SYT2: variants seen among roughly 807,000 people sequenced by gnomAD.
SYT2 encodes synaptotagmin 2, also known as synaptotagmin-2.
Under a neutral mutation model 39.9 loss-of-function variants are expected in SYT2, and 15 were observed. The observed-to-expected ratio is 0.38, with a 90% CI of 0.25 to 0.58. The LOEUF is 0.58. Among genes scored for constraint, SYT2 ranks in the 20% least tolerant of loss-of-function variants. SYT2 has a pLI of 0.70. For synonymous variants in SYT2, 181 were observed against 204.5 expected, an observed-to-expected ratio of 0.89 and a Z score of 0.98; for missense variants, 389 against 530.3, an observed-to-expected ratio of 0.73 and a Z score of 2.62.
intron 1 of SYT2, among the ~76,000 whole-genome samples, chr1:202,622,462 G>T (rs1691228550): frequency 6.6e-6 from 1 of 152,154 alleles, no homozygotes; most frequent in Non-Finnish European, 1.5e-5. Flanking sequence ...CAACTCCCAG[G>T]TTCCTGAGAG....
In SYT2 at chr1:202,602,035, C is replaced by T. The variant is rs751909179; in HGVS notation, c.656G>A (p.Gly219Asp). Residue 219 changes from glycine (G) to aspartate (D), a missense_variant, in exon 6 of 9, where the codon GGC becomes GAC. By Grantham distance (94) the Gly-to-Asp change is moderately conservative. Coordinates refer to ENST00000367268, the MANE Select transcript of SYT2 (RefSeq NM_177402.5). ...TFKVPYQELG[G>D]KTLVMAIYDF... ...ATAGATGGCCATCACCAGAGTTTTGCCCCCAAGCTCCTGGTATGGCACCTG... is the reference window on the plus strand; with the variant it reads ...ATAGATGGCCATCACCAGAGTTTTGTCCCCAAGCTCCTGGTATGGCACCTG... 22 of 1,613,988 alleles carry T rather than the reference C, an allele frequency of 1.4e-5. 1 individual carries two copies. The African/African-American group carries it at 2.0e-4, about 15-fold the overall frequency.
At chr1:202,636,757 CACTGCCTAT>C (rs541450656) in intron 1 of SYT2, among the ~76,000 whole-genome samples, 116 of 152,316 alleles carry the variant, frequency 7.6e-4, no homozygotes, top group South Asian at 5.4e-3. Flanking sequence ...TTGTGTCAGG[CACTGCCTAT>C]TCTTAGAGCT....
intron 1 of SYT2, among the ~76,000 whole-genome samples, chr1:202,667,970 C>CA (rs1328899827): frequency 6.6e-6 from 1 of 152,180 alleles, no homozygotes; most frequent in East Asian, 1.9e-4. Flanking sequence ...CTCGGCCTCC[C>CA]AAAGTGCTGG....
intron 1 of SYT2, among the ~76,000 whole-genome samples, chr1:202,633,961 C>T (rs1471573881): frequency 6.6e-6 from 1 of 152,202 alleles, no homozygotes; most frequent in African/African-American, 2.4e-5. Context: ...CACTTTCAGA[C>T]ATTCTCTCAC....
intron 1 of SYT2, among the ~76,000 whole-genome samples, chr1:202,697,726 CTGAT>C (rs1345409654): frequency 1.3e-5 from 2 of 152,162 alleles, no homozygotes; most frequent in African/African-American, 4.8e-5. Flanking sequence ...GATGAGTGTG[CTGAT>C]TAATTTGATT....
chr1:202,652,275 C>G (rs1692208502), intron 1 of SYT2, among the ~76,000 whole-genome samples: 1 of 152,116 alleles, frequency 6.6e-6, no homozygotes, highest in Non-Finnish European at 1.5e-5. Context: ...AAACATATGT[C>G]AAGGGTTGTG....
chr1:202,648,682 C>T (rs1276713766), intron 1 of SYT2, among the ~76,000 whole-genome samples: 1 of 152,136 alleles, frequency 6.6e-6, no homozygotes, highest in Non-Finnish European at 1.5e-5. Flanking sequence ...CACTGGGCTA[C>T]CTGGGGGCTA....
intron 1 of SYT2, among the ~76,000 whole-genome samples, chr1:202,618,205 G>A (rs1447006116): frequency 1.3e-5 from 2 of 152,058 alleles, no homozygotes; most frequent in African/African-American, 4.8e-5. Context: ...TTTGAGATTG[G>A]GTCACATTAT....
chr1:202,603,508 T>C (rs1408710922), intron 3 of SYT2, among the ~76,000 whole-genome samples: 1 of 152,122 alleles, frequency 6.6e-6, no homozygotes, highest in Admixed American at 6.5e-5. Context: ...CCACGCATCC[T>C]GGGCAAGACA....
intron 7 of SYT2, among the ~76,000 whole-genome samples, chr1:202,600,039 G>C (rs1227399022): frequency 3.3e-5 from 5 of 152,186 alleles, no homozygotes; most frequent in African/African-American, 1.2e-4. Context: ...GTCATGCTTT[G>C]GGCTAAGCCC....
intron 1 of SYT2, among the ~76,000 whole-genome samples, chr1:202,672,569 A>G (rs1015943309): frequency 1.4e-4 from 21 of 151,170 alleles, no homozygotes; most frequent in African/African-American, 4.9e-4. Flanking sequence ...TTTACATACA[A>G]TAACTGAAAA....
chr1:202,604,414 C>T (rs1690627896), intron 3 of SYT2, 41 bp downstream of exon 3: 1 of 1,601,224 alleles, frequency 6.2e-7, no homozygotes, highest in Non-Finnish European at 8.5e-7. Context: ...AAAGCCTGGG[C>T]TGAGCCCCTT....
rs1363189916 is a variant in SYT2, at chr1:202,624,704, GGT to G, written c.-17-18917_-17-18916del. On this transcript the variant is annotated intron_variant, in intron 1 of 8. Transcript: ENST00000367268. ...TAGTAGTGTGTGTTGCGTGTAGTAG[GGT>G]GTGTGTGTGGTATGTAGTAGGGTGT... 5.9e-4 allele frequency among the ~76,000 whole-genome samples: 84 copies of G among 142,152 alleles called. 1 individual carries two copies. Among genetic ancestry groups the G allele is most frequent in the Middle Eastern group, 7.5e-3 (2 of 266 alleles). 93.3% of individuals were successfully genotyped at this position (142,152 alleles called of 152,430 possible).
Position 202,594,302 on chromosome 1 carries a change from TCCTC to T in SYT2, c.*2451_*2454del, listed in dbSNP as rs1441877377. On this transcript the variant is annotated 3_prime_UTR_variant, in exon 9 of 9. Coordinates refer to ENST00000367268, the MANE Select transcript of SYT2 (RefSeq NM_177402.5). ...CACCAGAGGTTCCTACCATTGCCTTTCCTCCCTGTCAAGGGAATGCAAATCTTGG... is the reference window on the plus strand; with the variant it reads ...CACCAGAGGTTCCTACCATTGCCTTTCCTGTCAAGGGAATGCAAATCTTGG... 1.2e-4 allele frequency: 18 copies of T among 152,204 alleles called. No homozygotes were observed. The highest frequency in any genetic ancestry group is 4.1e-4 in the African/African-American group (17 of 41,430). The allele number at this position is 152,204 out of a possible 1,614,324, so 9.4% of individuals were successfully genotyped here.
At chr1:202,638,018 C>T (rs942907302) in intron 1 of SYT2, among the ~76,000 whole-genome samples, 4 of 152,240 alleles carry the variant, frequency 2.6e-5, no homozygotes, top group East Asian at 1.9e-4. Flanking sequence ...GGCAATTCCC[C>T]GGTAGGAAGT....
intron 1 of SYT2, among the ~76,000 whole-genome samples, chr1:202,665,712 C>T (rs964464614): frequency 1.3e-5 from 2 of 152,190 alleles, no homozygotes; most frequent in Non-Finnish European, 2.9e-5. Flanking sequence ...CTCATTTGCT[C>T]TTCTCTCCCT....
chr1:202,594,716 A>ACACACACACACACACACAC lies in SYT2; in HGVS notation c.*2040_*2041insGTGTGTGTGTGTGTGTGTG. The ACACACACACACACACACAC allele has an allele frequency of 6.6e-6, 1 of 152,320 alleles. No individual in the cohort carries two copies. The highest frequency in any genetic ancestry group is 2.1e-4 in the South Asian group (1 of 4,792). The allele number at this position is 152,320 out of a possible 1,614,324, so 9.4% of individuals were successfully genotyped here. On this transcript the variant is annotated 3_prime_UTR_variant, in exon 9 of 9. Coordinates refer to ENST00000367268, the MANE Select transcript of SYT2 (RefSeq NM_177402.5). ...CATCATTAAGTACACACACACACAC[A>ACACACACACACACACACAC]CACACACACACCAGTAAAAACATAA...
At chr1:202,651,042 A>T (rs12728991) in intron 1 of SYT2, among the ~76,000 whole-genome samples, 129 of 151,978 alleles carry the variant, frequency 8.5e-4, no homozygotes, top group Admixed American at 1.8e-3. Context: ...CTTGCAAGCC[A>T]GGCTAAGGGT....
At chr1:202,639,880 A>G (rs1332290938) in intron 1 of SYT2, 14 of 971,600 alleles carry the variant, frequency 1.4e-5, no homozygotes, top group Middle Eastern at 1.0e-3. Context: ...TGTGAACTGT[A>G]TCCCTGCTCC....
Sources: gnomAD v4.1 joint callset for allele counts (sites outside exome capture counted in the v4.1 genomes callset) on GRCh38, gnomAD v4.1.1 for gene constraint, MANE v1.5 for transcripts, NCBI Gene and HGNC (gene_info 2026-07-23, HGNC 2026-07-21) for gene names.